NBEA: variants seen among roughly 807,000 people sequenced by gnomAD.
The protein encoded by NBEA is neurobeachin.
A neutral mutation model predicts 343.4 loss-of-function variants in NBEA; 44 were observed. That is an observed-to-expected ratio of 0.13 (90% confidence interval 0.10 to 0.16). NBEA has a LOEUF of 0.16. NBEA is among the 10% of genes least tolerant of loss of function. The probability of loss-of-function intolerance (pLI) is 1.00; values close to 1 mark genes in which losing one functional copy is unlikely to be tolerated. For missense variants in NBEA, 2,555 were observed against 3,631.3 expected (o/e 0.70, Z 7.62); for synonymous variants, 1,175 against 1,238.7 (o/e 0.95, Z 1.08).
chr13:35,375,456 C>A (rs1328157770), intron 38 of NBEA, among the ~76,000 whole-genome samples: 1 of 152,026 alleles, frequency 6.6e-6, no homozygotes, highest in East Asian at 1.9e-4. Context: ...AGAAAATCTC[C>A]TACTTATTCA....
chr13:35,373,128 A>G (rs1426192321), intron 38 of NBEA, among the ~76,000 whole-genome samples: 11 of 152,012 alleles, frequency 7.2e-5, no homozygotes, highest in Non-Finnish European at 2.9e-5. Flanking sequence ...AAGCCTTTCC[A>G]GGCTCCCAGC....
intron 13 of NBEA, among the ~76,000 whole-genome samples, chr13:35,115,825 C>A (rs903316245): frequency 3.9e-5 from 6 of 152,118 alleles, no homozygotes; most frequent in Admixed American, 3.9e-4. Flanking sequence ...ATATGTTGAT[C>A]TATTTAATCC....
intron 34 of NBEA, among the ~76,000 whole-genome samples, chr13:35,250,483 C>T (rs1383669298): frequency 1.3e-5 from 2 of 152,106 alleles, no homozygotes; most frequent in Admixed American, 6.5e-5. Flanking sequence ...CAAAATGAAA[C>T]AATTTCACTC....
chr13:35,159,052 A>G lies in NBEA; in HGVS notation c.2881A>G (p.Met961Val), dbSNP rs765590845. ...YEAHKEYLAK[M>V]YEEYQRQEEE... The stretch of plus-strand genomic sequence containing the variant: ...AGCTCATAAGGAATACCTAGCCAAA[A>G]TGTATGAGGAATATCAAAGACAAGA... The change falls in exon 22 of 59, where the codon ATG (methionine) becomes GTG (valine). Residue 961 changes from methionine (M) to valine (V), a missense_variant. By Grantham distance (21) the Met-to-Val change is conservative. This residue lies in a region of NBEA where 18 missense variants were observed against 21.7 expected (regional missense o/e 0.83). Coordinates refer to ENST00000379939, the MANE Select transcript of NBEA (RefSeq NM_001385012.1). The G allele has an allele frequency of 6.2e-7, 1 of 1,610,980 alleles. No individual in the cohort carries two copies. The highest frequency in any genetic ancestry group is 8.5e-7 in the Non-Finnish European group (1 of 1,178,790).
At chr13:35,204,607 C>T (rs533290358) in intron 31 of NBEA, among the ~76,000 whole-genome samples, 4 of 152,188 alleles carry the variant, frequency 2.6e-5, no homozygotes, top group Admixed American at 6.5e-5. Context: ...GGGGACACAG[C>T]CAAACCATAT....
intron 36 of NBEA, among the ~76,000 whole-genome samples, chr13:35,315,797 G>A (rs912527076): frequency 6.6e-6 from 1 of 152,044 alleles, no homozygotes; most frequent in Non-Finnish European, 1.5e-5. Context: ...TTTAGTGATT[G>A]TATGGCACCA....
intron 28 of NBEA, among the ~76,000 whole-genome samples, chr13:35,180,840 T>A (rs2071267141): frequency 6.6e-6 from 1 of 151,720 alleles, no homozygotes; most frequent in African/African-American, 2.4e-5. Context: ...ACTTTTCCCT[T>A]CTAGTCCCCA....
chr13:35,117,588 T>G (rs2066564418), intron 14 of NBEA, 95 bp downstream of exon 14: 2 of 477,836 alleles, frequency 4.2e-6, no homozygotes, highest in Non-Finnish European at 6.4e-6. Context: ...ATAGCTACCT[T>G]TAATTCATGA....
At chr13:35,197,808 C>G (rs2072731066) in intron 31 of NBEA, among the ~76,000 whole-genome samples, 1 of 152,156 alleles carries the variant, frequency 6.6e-6, no homozygotes, top group Admixed American at 6.5e-5. Flanking sequence ...CCGAATTACC[C>G]TTTTAATACA....
intron 4 of NBEA, among the ~76,000 whole-genome samples, chr13:35,045,826 C>A (rs1220852673): frequency 6.6e-6 from 1 of 152,042 alleles, no homozygotes; most frequent in Non-Finnish European, 1.5e-5. Flanking sequence ...CTCCCGGGTT[C>A]AAGCAATTCT....
chr13:35,296,051 G>A (rs2152821835), intron 35 of NBEA, among the ~76,000 whole-genome samples: 1 of 152,112 alleles, frequency 6.6e-6, no homozygotes, highest in East Asian at 1.9e-4. Context: ...AATTATAGAG[G>A]TAATAGTTTA....
intron 48 of NBEA, among the ~76,000 whole-genome samples, chr13:35,609,623 G>A (rs1288551425): frequency 1.3e-5 from 2 of 152,160 alleles, no homozygotes; most frequent in Non-Finnish European, 2.9e-5. Flanking sequence ...TGTAAGATCA[G>A]TTTCTCATTA....
At chr13:35,227,369 T>C (rs1244022077) in intron 33 of NBEA, among the ~76,000 whole-genome samples, 1 of 152,084 alleles carries the variant, frequency 6.6e-6, no homozygotes, top group East Asian at 1.9e-4. Flanking sequence ...GATAAGAATT[T>C]AACTTTACAA....
At chr13:35,523,168 A>C (rs936418157) in intron 41 of NBEA, among the ~76,000 whole-genome samples, 18 of 152,182 alleles carry the variant, frequency 1.2e-4, no homozygotes, top group Non-Finnish European at 1.9e-4. Context: ...TATATACAAA[A>C]TACTGTGCCA....
intron 6 of NBEA, among the ~76,000 whole-genome samples, chr13:35,052,341 T>C (rs956562329): frequency 1.3e-5 from 2 of 152,000 alleles, no homozygotes; most frequent in Non-Finnish European, 2.9e-5. Context: ...CTGTTAGAAC[T>C]TGTGAAAATG....
At chr13:35,105,816 A>G (rs1211997864) in intron 11 of NBEA, among the ~76,000 whole-genome samples, 2 of 152,002 alleles carry the variant, frequency 1.3e-5, no homozygotes, top group Admixed American at 6.6e-5. Flanking sequence ...TACCTCTACA[A>G]TTACAATAGT....
At chr13:35,190,422 AAG>A (rs1178898657) in intron 30 of NBEA, among the ~76,000 whole-genome samples, 15 of 152,038 alleles carry the variant, frequency 9.9e-5, no homozygotes, top group Admixed American at 9.8e-4. Context: ...AGCGCAGGCT[AAG>A]AGAGAGTTTT....
At chr13:35,327,866 A>T (rs571051381) in intron 36 of NBEA, among the ~76,000 whole-genome samples, 3 of 151,990 alleles carry the variant, frequency 2.0e-5, no homozygotes, top group African/African-American at 7.2e-5. Context: ...ATTGTCATAG[A>T]TGTAGGAAAA....
chr13:35,646,448 C>G (rs1566455344), intron 51 of NBEA, 100 bp downstream of exon 51: 4 of 850,268 alleles, frequency 4.7e-6, no homozygotes, highest in Non-Finnish European at 7.6e-6. Flanking sequence ...TAAAAGGCTT[C>G]TCGATTTATT....
Sources: allele counts gnomAD v4.1 joint callset (sites outside exome capture counted in the v4.1 genomes callset), GRCh38; gene constraint gnomAD v4.1.1; regional missense constraint gnomAD v4.1.1; transcripts MANE v1.5; gene names NCBI Gene and HGNC (gene_info 2026-07-23, HGNC 2026-07-21).